The following RRAGA variants were observed in gnomAD, a reference collection of about 807,000 sequenced individuals.
RRAGA encodes the protein ras-related GTP-binding protein A.
A neutral mutation model predicts 20.5 loss-of-function variants in RRAGA; 11 were observed. The ratio of observed to expected loss-of-function variants is 0.54; its 90% CI spans 0.34 to 0.89. The LOEUF (loss-of-function observed/expected upper bound fraction) is 0.89, where lower values mean the gene tolerates loss of function less well. Among genes scored for constraint, RRAGA ranks in the 40% least tolerant of loss-of-function variants. The probability of loss-of-function intolerance (pLI) is 0.02; values close to 1 mark genes in which losing one functional copy is unlikely to be tolerated. For missense variants in RRAGA, 214 were observed against 400.7 expected, an observed-to-expected ratio of 0.53 and a Z score of 3.98; for synonymous variants, 184 against 155.4, an observed-to-expected ratio of 1.18 and a Z score of -1.37.
rs1836329605 is a variant in RRAGA, at chr9:19,050,565, A to G, written c.906A>G (p.Arg302=). The change falls in exon 1 of 1, where the codon AGA becomes AGG. Residue 302 remains arginine, a synonymous_variant. Coordinates refer to ENST00000380527, the MANE Select transcript of RRAGA (RefSeq NM_006570.5). ...GGAAACACTTTGAGAAGCTGGAGAG[A>G]GTGGATGGCCCCAAGCACAGTCTCC... ...NARKHFEKLE[R]VDGPKHSLLM... 6.2e-7 allele frequency: 1 copy of G among 1,614,078 alleles called. No individual in the cohort carries two copies. Among genetic ancestry groups the G allele is most frequent in the Non-Finnish European group, 8.5e-7 (1 of 1,180,038 alleles).
In RRAGA at chr9:19,050,067, G is replaced by C. The variant is rs373170644; in HGVS notation, c.408G>C (p.Gln136His). Residue 136 changes from glutamine (Q) to histidine (H), a missense_variant, in exon 1 of 1, where the codon CAG (glutamine) becomes CAC (histidine). Transcript: ENST00000380527. The part of the protein sequence containing the change: ...VHKMDLVQED[Q>H]RDLIFKEREE... ...AAATGGATCTGGTTCAGGAGGATCAGCGTGACCTGATTTTTAAAGAGCGAG... is the reference window on the plus strand; with the variant it reads ...AAATGGATCTGGTTCAGGAGGATCACCGTGACCTGATTTTTAAAGAGCGAG... 2.4e-5 allele frequency: 38 copies of C among 1,614,006 alleles called. No homozygotes were observed. Among genetic ancestry groups the C allele is most frequent in the Non-Finnish European group, 3.2e-5 (38 of 1,180,032 alleles).
chr9:19,050,073 C>T lies in RRAGA; in HGVS notation c.414C>T (p.Asp138=), dbSNP rs748009100. 6.1e-5 allele frequency: 98 copies of T among 1,613,934 alleles called. No individual in the cohort carries two copies. The highest frequency in any genetic ancestry group is 7.7e-5 in the Non-Finnish European group (91 of 1,180,034). The part of the protein sequence containing the change: ...KMDLVQEDQR[D]LIFKEREEDL... ...ATCTGGTTCAGGAGGATCAGCGTGACCTGATTTTTAAAGAGCGAGAGGAAG... is the reference window on the plus strand; with the variant it reads ...ATCTGGTTCAGGAGGATCAGCGTGATCTGATTTTTAAAGAGCGAGAGGAAG... Residue 138 remains aspartate, a synonymous_variant, in exon 1 of 1, where the codon GAC becomes GAT. Coordinates refer to ENST00000380527, the MANE Select transcript of RRAGA (RefSeq NM_006570.5).
chr9:19,049,593 C>T lies in RRAGA; in HGVS notation c.-67C>T. 1 of 1,265,014 alleles carries T rather than the reference C, an allele frequency of 7.9e-7. No individual in the cohort carries two copies. 78.4% of individuals were successfully genotyped at this position (1,265,014 alleles called of 1,614,324 possible). The stretch of plus-strand genomic sequence containing the variant: ...CGGCCTGCGAGTCCCCGGCAGCCCC[C>T]GACCCCTCCCTCGGCGCTGCGTGTA... On this transcript the variant is annotated 5_prime_UTR_variant, in exon 1 of 1. Transcript: ENST00000380527. The surrounding 1 kb of genome is among the most constrained non-coding windows in gnomAD (Gnocchi z 5.4).
rs1836336020 is a variant in RRAGA, at chr9:19,050,843, T to G, written c.*242T>G. On this transcript the variant is annotated 3_prime_UTR_variant, in exon 1 of 1. Coordinates refer to ENST00000380527, the MANE Select transcript of RRAGA (RefSeq NM_006570.5). ...TATGGTGTAACACTAAAGTAGGTGGTTCGTGTGTGTTCTCATTACCTGGTT... is the reference window on the plus strand; with the variant it reads ...TATGGTGTAACACTAAAGTAGGTGGGTCGTGTGTGTTCTCATTACCTGGTT... 1 of 497,832 alleles carries G rather than the reference T, an allele frequency of 2.0e-6. No homozygotes were observed. Among genetic ancestry groups the G allele is most frequent in the African/African-American group, 1.9e-5 (1 of 51,962 alleles). 30.8% of individuals were successfully genotyped at this position (497,832 alleles called of 1,614,324 possible). A position where few individuals can be genotyped will look rare whatever the true frequency, so the allele number is the denominator to read the frequency against.
In RRAGA at chr9:19,050,618, T is replaced by G. The variant is rs750081856; in HGVS notation, c.*17T>G. The G allele has an allele frequency of 8.5e-5, 136 of 1,600,034 alleles. No individual in the cohort carries two copies. The highest frequency in any genetic ancestry group is 1.7e-4 in the Middle Eastern group (1 of 5,932). On this transcript the variant is annotated 3_prime_UTR_variant, in exon 1 of 1. Coordinates refer to ENST00000380527, the MANE Select transcript of RRAGA (RefSeq NM_006570.5). ...ATGCGTTGAATATTGCCAAATGCTC[T>G]TTCTGAAAATGCTGAATTGCCTTTT...
rs997565698 is a variant in RRAGA at position 19,049,611 on chromosome 9, T to A, written c.-49T>A. The A allele has an allele frequency of 6.9e-7, 1 of 1,441,214 alleles. No individual in the cohort carries two copies. The highest frequency in any genetic ancestry group is 1.4e-5 in the African/African-American group (1 of 70,960). 89.3% of individuals were successfully genotyped at this position (1,441,214 alleles called of 1,614,324 possible). On this transcript the variant is annotated 5_prime_UTR_variant, in exon 1 of 1. Coordinates refer to ENST00000380527, the MANE Select transcript of RRAGA (RefSeq NM_006570.5). The surrounding 1 kb of genome is among the most constrained non-coding windows in gnomAD (Gnocchi z 5.4). ...CAGCCCCCGACCCCTCCCTCGGCGC[T>A]GCGTGTAGGCCGCGCCCTCAGGCCC... is the stretch of plus-strand genomic sequence containing the variant.
chr9:19,049,477 A>G lies in RRAGA; in HGVS notation c.-183A>G, dbSNP rs1376886963. The G allele has an allele frequency of 1.9e-5, 10 of 518,734 alleles. No homozygotes were observed. The East Asian group carries it at 2.0e-4, about 11-fold the overall frequency. 32.1% of individuals were successfully genotyped at this position (518,734 alleles called of 1,614,324 possible). A position where few individuals can be genotyped will look rare whatever the true frequency, so the allele number is the denominator to read the frequency against. On this transcript the variant is annotated 5_prime_UTR_variant, in exon 1 of 1. Transcript: ENST00000380527. The surrounding 1 kb of genome is among the most constrained non-coding windows in gnomAD (Gnocchi z 5.4). ...CAGCCGCGGGCGCTCCCATCTGAGT[A>G]AGAGCCAGCCCGTCCGCGGCCTCTC...
In RRAGA at chr9:19,049,761, C is replaced by T. The variant is rs1430425597; in HGVS notation, c.102C>T (p.Arg34=). Residue 34 remains arginine (R), a synonymous_variant, in exon 1 of 1, where the codon CGC becomes CGT. Transcript: ENST00000380527. This position sits in a 1 kb window ranked among gnomAD's most constrained non-coding sequence, Gnocchi z 5.4. The part of the protein sequence containing the change: ...RSIIFANYIA[R]DTRRLGATID... The stretch of plus-strand genomic sequence containing the variant: ...TAATCTTCGCCAATTACATTGCTCG[C>T]GACACCCGGCGCCTGGGGGCCACCA... 1 of 1,614,140 alleles carries T rather than the reference C, an allele frequency of 6.2e-7. No individual in the cohort carries two copies.
chr9:19,049,580 C>T lies in RRAGA; in HGVS notation c.-80C>T, dbSNP rs909171535. On this transcript the variant is annotated 5_prime_UTR_variant, in exon 1 of 1. Coordinates refer to ENST00000380527, the MANE Select transcript of RRAGA (RefSeq NM_006570.5). This position sits in a 1 kb window ranked among gnomAD's most constrained non-coding sequence, Gnocchi z 5.4. ...GCGGAGCGAGGCGCGGCCTGCGAGTCCCCGGCAGCCCCCGACCCCTCCCTC... is the reference window on the plus strand; with the variant it reads ...GCGGAGCGAGGCGCGGCCTGCGAGTTCCCGGCAGCCCCCGACCCCTCCCTC... The T allele has an allele frequency of 6.6e-6, 7 of 1,062,036 alleles. No individual in the cohort carries two copies. Among genetic ancestry groups the T allele is most frequent in the Non-Finnish European group, 9.4e-6 (7 of 747,064 alleles). The allele number at this position is 1,062,036 out of a possible 1,614,324, so 65.8% of individuals were successfully genotyped here.
At position 19,049,905 on chromosome 9, in the gene RRAGA, C is replaced by T; in HGVS notation, c.246C>T (p.Phe82=). The T allele has an allele frequency of 3.1e-6, 5 of 1,614,130 alleles. No homozygotes were observed. The highest frequency in any genetic ancestry group is 4.2e-6 in the Non-Finnish European group (5 of 1,180,024). The stretch of plus-strand genomic sequence containing the variant: ...TCACCAGCCAGCGAGACAATATCTT[C>T]CGTAACGTGGAAGTTTTGATTTACG... ...NYFTSQRDNI[F]RNVEVLIYVF... Residue 82 remains phenylalanine (F), a synonymous_variant, in exon 1 of 1, where the codon TTC becomes TTT. Transcript: ENST00000380527. The surrounding 1 kb of genome is among the most constrained non-coding windows in gnomAD (Gnocchi z 5.4).
rs781153960 is a variant in RRAGA, at chr9:19,049,925, T to C, written c.266T>C (p.Ile89Thr). ...DNIFRNVEVLIYVFDVESREL... is the reference protein window; with the variant it reads ...DNIFRNVEVLTYVFDVESREL... ...ATCTTCCGTAACGTGGAAGTTTTGA[T>C]TTACGTGTTTGACGTGGAGAGCCGC... Residue 89 changes from isoleucine (I) to threonine (T), a missense_variant, in exon 1 of 1, where the codon ATT becomes ACT. Transcript: ENST00000380527. The surrounding 1 kb of genome is among the most constrained non-coding windows in gnomAD (Gnocchi z 5.4). The C allele has an allele frequency of 6.2e-7, 1 of 1,614,096 alleles. No individual in the cohort carries two copies. Among genetic ancestry groups the C allele is most frequent in the South Asian group, 1.1e-5 (1 of 91,068 alleles).
Position 19,049,427 on chromosome 9 carries a change from G to T in RRAGA, c.-233G>T, listed in dbSNP as rs1050476447. 3 of 403,720 alleles carry T rather than the reference G, an allele frequency of 7.4e-6. No individual in the cohort carries two copies. The highest frequency in any genetic ancestry group is 1.3e-5 in the Non-Finnish European group (3 of 227,874). The allele number at this position is 403,720 out of a possible 1,614,324, so 25.0% of individuals were successfully genotyped here. A position where few individuals can be genotyped will look rare whatever the true frequency, so the allele number is the denominator to read the frequency against. On this transcript the variant is annotated 5_prime_UTR_variant, in exon 1 of 1. Coordinates refer to ENST00000380527, the MANE Select transcript of RRAGA (RefSeq NM_006570.5). This position sits in a 1 kb window ranked among gnomAD's most constrained non-coding sequence, Gnocchi z 5.4. The stretch of plus-strand genomic sequence containing the variant: ...AGCGGCTCCCTCCCGGAAAGCGAGC[G>T]TATCTCCCGAGCCGTTGCCACTGAC...
Position 19,049,525 on chromosome 9 carries a change from ACT to A in RRAGA, c.-131_-130del. 1 of 669,190 alleles carries A rather than the reference ACT, an allele frequency of 1.5e-6. No homozygotes were observed. The highest frequency in any genetic ancestry group is 2.4e-6 in the Non-Finnish European group (1 of 413,702). 41.5% of individuals were successfully genotyped at this position (669,190 alleles called of 1,614,324 possible). A position where few individuals can be genotyped will look rare whatever the true frequency, so the allele number is the denominator to read the frequency against. ...CTCCAGCCCCGGGTTCGCGCTCTCGACTCTCCTGCCTGCCCAGCTGCGCGGCG... is the reference window on the plus strand; with the variant it reads ...CTCCAGCCCCGGGTTCGCGCTCTCGACTCCTGCCTGCCCAGCTGCGCGGCG... On this transcript the variant is annotated 5_prime_UTR_variant, in exon 1 of 1. Transcript: ENST00000380527. The surrounding 1 kb of genome is among the most constrained non-coding windows in gnomAD (Gnocchi z 5.4).
At position 19,050,429 on chromosome 9, in the gene RRAGA, C is replaced by A; in HGVS notation, c.770C>A (p.Ser257Tyr). The A allele has an allele frequency of 1.2e-6, 2 of 1,614,170 alleles. No homozygotes were observed. The highest frequency in any genetic ancestry group is 2.7e-5 in the African/African-American group (2 of 75,032). ...TTCCAGAGCATGGAAGTTAGGAATT[C>A]CAACTTCGCTGCTTTCATCGACATC... ...ASFQSMEVRNSNFAAFIDIFT... is the reference protein window; with the variant it reads ...ASFQSMEVRNYNFAAFIDIFT... Residue 257 changes from serine to tyrosine, a missense_variant, in exon 1 of 1, where the codon TCC becomes TAC. This residue lies in a region of RRAGA where 68 missense variants were observed against 83.9 expected (regional missense o/e 0.81). Transcript: ENST00000380527.
Position 19,050,878 on chromosome 9 carries a change from A to G in RRAGA, c.*277A>G, listed in dbSNP as rs1265637112. On this transcript the variant is annotated 3_prime_UTR_variant, in exon 1 of 1. Transcript: ENST00000380527. ...TTCTCATTACCTGGTTATGATAGAT[A>G]TGCACATCAAAGCCTTTACCAGTAT... is the stretch of plus-strand genomic sequence containing the variant. The G allele has an allele frequency of 5.1e-6, 2 of 391,824 alleles. No individual in the cohort carries two copies. Among genetic ancestry groups the G allele is most frequent in the East Asian group, 4.7e-5 (1 of 21,226 alleles). The allele number at this position is 391,824 out of a possible 1,614,324, so 24.3% of individuals were successfully genotyped here. A position where few individuals can be genotyped will look rare whatever the true frequency, so the allele number is the denominator to read the frequency against.
At position 19,050,667 on chromosome 9, in the gene RRAGA, TATTC is replaced by T; in HGVS notation, c.*69_*72del. 1 of 1,462,054 alleles carries T rather than the reference TATTC, an allele frequency of 6.8e-7. No homozygotes were observed. Among genetic ancestry groups the T allele is most frequent in the Non-Finnish European group, 9.5e-7 (1 of 1,054,546 alleles). 90.6% of individuals were successfully genotyped at this position (1,462,054 alleles called of 1,614,324 possible). A position where few individuals can be genotyped will look rare whatever the true frequency, so the allele number is the denominator to read the frequency against. ...TTTTGTTTGCATCCTTTATTTTTAATATTCATAATGTCGTGTGCTTAAAAGTGGG... is the reference window on the plus strand; with the variant it reads ...TTTTGTTTGCATCCTTTATTTTTAATATAATGTCGTGTGCTTAAAAGTGGG... On this transcript the variant is annotated 3_prime_UTR_variant, in exon 1 of 1. Transcript: ENST00000380527.
In RRAGA at chr9:19,050,144, C is replaced by T. The variant is rs1309038735; in HGVS notation, c.485C>T (p.Thr162Met). 6.2e-7 allele frequency: 1 copy of T among 1,614,042 alleles called. No individual in the cohort carries two copies. Among genetic ancestry groups the T allele is most frequent in the Admixed American group, 1.7e-5 (1 of 60,004 alleles). Residue 162 changes from threonine (T) to methionine (M), a missense_variant, in exon 1 of 1, where the codon ACG (threonine) becomes ATG (methionine). By Grantham distance (81) the Thr-to-Met change is moderately conservative. This residue lies in a region of RRAGA where 88 missense variants were observed against 169.9 expected (regional missense o/e 0.52). Transcript: ENST00000380527. Reference sequence around the variant, plus strand: ...CCGCTGGAGTGTGCTTGTTTTCGAACGTCCATCTGGGATGAGACGCTCTAC... The same window carrying T: ...CCGCTGGAGTGTGCTTGTTTTCGAATGTCCATCTGGGATGAGACGCTCTAC... ...SRPLECACFR[T>M]SIWDETLYKA...
chr9:19,050,696 G>GCCCA lies in RRAGA; in HGVS notation c.*96_*97insCCAC. On this transcript the variant is annotated 3_prime_UTR_variant, in exon 1 of 1. Transcript: ENST00000380527. The stretch of plus-strand genomic sequence containing the variant: ...CATAATGTCGTGTGCTTAAAAGTGG[G>GCCCA]CTTTGAAGTGTGTGCTGCTTACTCC... 8.3e-7 allele frequency: 1 copy of GCCCA among 1,207,864 alleles called. No individual in the cohort carries two copies. The highest frequency in any genetic ancestry group is 1.2e-6 in the Non-Finnish European group (1 of 844,004). 74.8% of individuals were successfully genotyped at this position (1,207,864 alleles called of 1,614,324 possible). A position where few individuals can be genotyped will look rare whatever the true frequency, so the allele number is the denominator to read the frequency against.
At position 19,050,858 on chromosome 9, in the gene RRAGA, A is replaced by G; in HGVS notation, c.*257A>G. 1 of 465,306 alleles carries G rather than the reference A, an allele frequency of 2.1e-6. No homozygotes were observed. The highest frequency in any genetic ancestry group is 2.8e-5 in the South Asian group (1 of 36,208). 28.8% of individuals were successfully genotyped at this position (465,306 alleles called of 1,614,324 possible). On this transcript the variant is annotated 3_prime_UTR_variant, in exon 1 of 1. Coordinates refer to ENST00000380527, the MANE Select transcript of RRAGA (RefSeq NM_006570.5). ...AAGTAGGTGGTTCGTGTGTGTTCTC[A>G]TTACCTGGTTATGATAGATATGCAC...
Sources: gnomAD v4.1 joint callset for allele counts on GRCh38, gnomAD v4.1.1 for gene constraint, gnomAD v4.1.1 regional missense constraint, Gnocchi (gnomAD v3.1) non-coding constraint, MANE v1.5 for transcripts, NCBI Gene and HGNC (gene_info 2026-07-23, HGNC 2026-07-21) for gene names.